PLEKHA5: variants seen among roughly 807,000 people sequenced by gnomAD.
PLEKHA5 encodes the protein pleckstrin homology domain containing A5, also known as pleckstrin homology domain-containing family A member 5.
Under a neutral mutation model 181.9 loss-of-function variants are expected in PLEKHA5, and 55 were observed. The ratio of observed to expected loss-of-function variants is 0.30; its 90% CI spans 0.24 to 0.38. The LOEUF (loss-of-function observed/expected upper bound fraction) is 0.38. Ranked by LOEUF, PLEKHA5 falls within the 10% of genes least tolerant of loss-of-function variation. PLEKHA5 has a pLI of 1.00. For synonymous variants in PLEKHA5, 535 were observed against 529.4 expected (o/e 1.01, Z -0.15); for missense variants, 1,432 against 1,549.5 (o/e 0.92, Z 1.27).
chr12:19,257,368 G>A lies in PLEKHA5; in HGVS notation c.433-65G>A, dbSNP rs1276486300. The A allele has an allele frequency of 1.1e-5, 8 of 713,034 alleles. No homozygotes were observed. The East Asian group carries it at 2.0e-4, about 18-fold the overall frequency. The allele number at this position is 713,034 out of a possible 1,614,324, so 44.2% of individuals were successfully genotyped here. On this transcript the variant is annotated intron_variant, in intron 5 of 31. Transcript: ENST00000429027. ...TCTGAAAAGAGATTAAATTTTAAGA[G>A]GAAGATAAGCTCAAATCTCTAGGCA...
chr12:19,168,459 A>C (rs1290084247), intron 3 of PLEKHA5, among the ~76,000 whole-genome samples: 1 of 152,148 alleles, frequency 6.6e-6, no homozygotes, highest in Non-Finnish European at 1.5e-5. Flanking sequence ...TGGAAACCAC[A>C]AGACCCCAAA....
intron 3 of PLEKHA5, chr12:19,201,434 T>C (rs1190784411): frequency 6.6e-6 from 1 of 152,052 alleles, no homozygotes; most frequent in Non-Finnish European, 1.5e-5. Flanking sequence ...ATTGGCAGTT[T>C]CTGGAAAAAA....
chr12:19,166,197 A>T (rs1028123368), intron 3 of PLEKHA5, among the ~76,000 whole-genome samples: 54 of 152,270 alleles, frequency 3.5e-4, no homozygotes, highest in African/African-American at 1.3e-3. Context: ...TTCTTTATAT[A>T]AAAGGGGAAA....
At chr12:19,219,219 G>A (rs1482734438) in intron 3 of PLEKHA5, among the ~76,000 whole-genome samples, 2 of 152,060 alleles carry the variant, frequency 1.3e-5, no homozygotes, top group African/African-American at 4.8e-5. Context: ...GGGTTTACAC[G>A]GGGGTGATGA....
chr12:19,307,193 C>T, intron 15 of PLEKHA5: 1 of 653,298 alleles, frequency 1.5e-6, no homozygotes, highest in South Asian at 1.5e-5. Context: ...GAGAAAGGGG[C>T]CCCACATGGT....
At chr12:19,210,404 C>T (rs1026242936) in intron 3 of PLEKHA5, among the ~76,000 whole-genome samples, 2 of 152,160 alleles carry the variant, frequency 1.3e-5, no homozygotes, top group African/African-American at 2.4e-5. Context: ...ACAAATGGAA[C>T]TTTTCCCATT....
At chr12:19,347,906 A>G (rs1202280075) in intron 24 of PLEKHA5, among the ~76,000 whole-genome samples, 2 of 136,980 alleles carry the variant, frequency 1.5e-5, no homozygotes, top group Non-Finnish European at 3.1e-5. Context: ...TTTTTTTGAG[A>G]CAGGGTCTCA....
chr12:19,133,390 G>C (rs1944469447), intron 3 of PLEKHA5, among the ~76,000 whole-genome samples: 1 of 151,776 alleles, frequency 6.6e-6, no homozygotes, highest in Admixed American at 6.6e-5. Flanking sequence ...ATTTACCTAA[G>C]AGTTTGTTTT....
At chr12:19,135,866 GA>G (rs2035462837) in intron 3 of PLEKHA5, among the ~76,000 whole-genome samples, 1 of 149,510 alleles carries the variant, frequency 6.7e-6, no homozygotes, top group African/African-American at 2.4e-5. Flanking sequence ...AGTAAAATAT[GA>G]AAAATCTTAC....
At chr12:19,302,191 G>T (rs1234522367) in intron 15 of PLEKHA5, among the ~76,000 whole-genome samples, 1 of 152,106 alleles carries the variant, frequency 6.6e-6, no homozygotes, top group Non-Finnish European at 1.5e-5. Flanking sequence ...AAGAACTCAG[G>T]AAAAAGTCCC....
chr12:19,354,143 CTTTTTTTTTTTTTTTTTTTT>C lies in PLEKHA5; in HGVS notation c.3138+148_3138+167del. The C allele has an allele frequency of 2.8e-5, 2 of 70,452 alleles. 1 individual carries two copies. Among genetic ancestry groups the C allele is most frequent in the South Asian group, 8.6e-4 (2 of 2,338 alleles). The allele number at this position is 70,452 out of a possible 1,614,324, so 4.4% of individuals were successfully genotyped here. On this transcript the variant is annotated intron_variant, in intron 26 of 31. Transcript: ENST00000429027. The stretch of plus-strand genomic sequence containing the variant: ...TTAGTAATCTTAGTTATTCTTTATT[CTTTTTTTTTTTTTTTTTTTT>C]TTTTTTGAGACGGAGTCTCGCTCTG...
At chr12:19,179,468 C>T (rs2048049460) in intron 3 of PLEKHA5, among the ~76,000 whole-genome samples, 1 of 152,106 alleles carries the variant, frequency 6.6e-6, no homozygotes, top group Admixed American at 6.5e-5. Context: ...ACCAGCCTTA[C>T]CAACATGGAG....
At chr12:19,302,170 A>T (rs2081665108) in intron 15 of PLEKHA5, among the ~76,000 whole-genome samples, 1 of 152,178 alleles carries the variant, frequency 6.6e-6, no homozygotes, top group African/African-American at 2.4e-5. Flanking sequence ...ATCTTTTCCG[A>T]AGAAGTCATT....
In PLEKHA5 at chr12:19,376,153, A is replaced by T. The variant is rs1373031628; in HGVS notation, c.*634A>T. The T allele has an allele frequency of 3.9e-5, 6 of 152,488 alleles. No individual in the cohort carries two copies. Among genetic ancestry groups the T allele is most frequent in the African/African-American group, 1.4e-4 (6 of 41,486 alleles). 9.4% of individuals were successfully genotyped at this position (152,488 alleles called of 1,614,324 possible). ...TGTTACTGCTTATCTTTTCTTAAAA[A>T]AAAAAAAAACAAAGTGTAGGTATTT... is the stretch of plus-strand genomic sequence containing the variant. On this transcript the variant is annotated 3_prime_UTR_variant, in exon 32 of 32. Transcript: ENST00000429027.
intron 26 of PLEKHA5, among the ~76,000 whole-genome samples, chr12:19,356,859 C>A (rs376261455): frequency 1.3e-5 from 2 of 151,934 alleles, no homozygotes; most frequent in South Asian, 2.1e-4. Context: ...CAGGGTTTCA[C>A]CATGTTGGCC....
In PLEKHA5 at chr12:19,257,252, G is replaced by A. The variant is rs150162849; in HGVS notation, c.433-181G>A. Among the ~76,000 whole-genome samples, 585 of 152,054 alleles carry A rather than the reference G, an allele frequency of 3.8e-3. 3 individuals are homozygous for A. Among genetic ancestry groups the A allele is most frequent in the African/African-American group, 0.013 (558 of 41,492 alleles). The stretch of plus-strand genomic sequence containing the variant: ...ACCCTGGGGGAAAAATTTTTGGTGC[G>A]GAATTCTTACACTTCAAAAAACTAA... On this transcript the variant is annotated intron_variant, in intron 5 of 31. Transcript: ENST00000429027.
intron 3 of PLEKHA5, among the ~76,000 whole-genome samples, chr12:19,183,518 A>G (rs1032099190): frequency 1.2e-4 from 18 of 152,288 alleles, no homozygotes; most frequent in Admixed American, 7.2e-4. Flanking sequence ...GATAATAATG[A>G]ATTTCTCAAA....
chr12:19,165,181 G>A (rs191754949), intron 3 of PLEKHA5, among the ~76,000 whole-genome samples: 2 of 152,282 alleles, frequency 1.3e-5, no homozygotes, highest in African/African-American at 4.8e-5. Context: ...TTGATGGGGT[G>A]GAGATGACGA....
At chr12:19,247,755 TAAA>T (rs1187794806) in intron 3 of PLEKHA5, among the ~76,000 whole-genome samples, 1 of 144,164 alleles carries the variant, frequency 6.9e-6, no homozygotes, top group Admixed American at 7.0e-5. Context: ...TTTCTTTTTT[TAAA>T]AAAAAAAAAG....
Sources: gnomAD v4.1 joint callset for allele counts (sites outside exome capture counted in the v4.1 genomes callset) on GRCh38, gnomAD v4.1.1 for gene constraint, MANE v1.5 for transcripts, NCBI Gene and HGNC (gene_info 2026-07-23, HGNC 2026-07-21) for gene names.